Variants in GRAMD2B observed in about 807,000 individuals in gnomAD.
GRAMD2B encodes GRAM domain containing 2B, also known as GRAM domain-containing protein 2B.
Under a neutral mutation model 59.2 loss-of-function variants are expected in GRAMD2B, and 41 were observed. That is an observed-to-expected ratio of 0.69 (90% CI 0.54 to 0.90). GRAMD2B has a LOEUF of 0.90. Ranked by LOEUF, GRAMD2B falls within the 40% of genes least tolerant of loss-of-function variation. GRAMD2B has a pLI of 0.00. For synonymous variants in GRAMD2B, 161 were observed against 182.7 expected (o/e 0.88, Z 0.96); for missense variants, 424 against 500.5 (o/e 0.85, Z 1.46).
At chr5:126,460,835 C>A (rs1767216781) in intron 1 of GRAMD2B, among the ~76,000 whole-genome samples, 1 of 152,190 alleles carries the variant, frequency 6.6e-6, no homozygotes, top group African/African-American at 2.4e-5. Context: ...AATCCCATTG[C>A]CAGGCATTTA....
At chr5:126,484,607 A>T in intron 10 of GRAMD2B, 83 bp downstream of exon 10, 3 of 1,342,394 alleles carry the variant, frequency 2.2e-6, no homozygotes, top group Non-Finnish European at 3.0e-6. Flanking sequence ...TTTAGACAGC[A>T]TCTTGCTCTA....
At chr5:126,417,833 AC>A (rs1759389996) in intron 1 of GRAMD2B, among the ~76,000 whole-genome samples, 1 of 151,860 alleles carries the variant, frequency 6.6e-6, no homozygotes, top group Non-Finnish European at 1.5e-5. Context: ...TGGCACATTC[AC>A]TCTCCTACAA....
chr5:126,426,332 A>C (rs73334407), intron 1 of GRAMD2B, among the ~76,000 whole-genome samples: 9 of 151,772 alleles, frequency 5.9e-5, no homozygotes, highest in Non-Finnish European at 1.2e-4. Context: ...CTAGAAATCA[A>C]CTCAAGTTTT....
intron 9 of GRAMD2B, among the ~76,000 whole-genome samples, chr5:126,483,919 C>A (rs547718168): frequency 5.9e-5 from 9 of 152,346 alleles, no homozygotes; most frequent in South Asian, 2.1e-4. Context: ...ACCTCCACCC[C>A]CCGGGTTCAA....
intron 1 of GRAMD2B, among the ~76,000 whole-genome samples, chr5:126,396,147 GATGT>G (rs1256240707): frequency 6.6e-6 from 1 of 152,092 alleles, no homozygotes; most frequent in Non-Finnish European, 1.5e-5. Context: ...GATGATTAGT[GATGT>G]TGAGCAAATT....
chr5:126,397,122 G>A (rs961602985), intron 1 of GRAMD2B, among the ~76,000 whole-genome samples: 4 of 152,258 alleles, frequency 2.6e-5, no homozygotes, highest in Admixed American at 2.6e-4. Context: ...CTCCCATTCT[G>A]TAGGTTGTCT....
At position 126,455,782 on chromosome 5, in the gene GRAMD2B, G is replaced by A. The variant is rs73334498; in HGVS notation, c.84-9644G>A. Reference sequence around the variant, plus strand: ...GCTATAATATTTTTCTACTTAACTAGAAAAGACATAGTGCCCTCCCCATAC... The same window carrying A: ...GCTATAATATTTTTCTACTTAACTAAAAAAGACATAGTGCCCTCCCCATAC... On this transcript the variant is annotated intron_variant, in intron 1 of 13. Coordinates refer to ENST00000285689, the MANE Select transcript of GRAMD2B (RefSeq NM_023927.4). Among the ~76,000 whole-genome samples, 308 of 152,224 alleles carry A rather than the reference G, an allele frequency of 2.0e-3. 1 individual carries two copies. The highest frequency in any genetic ancestry group is 7.1e-3 in the African/African-American group (295 of 41,560).
intron 1 of GRAMD2B, among the ~76,000 whole-genome samples, chr5:126,396,704 T>C (rs970264131): frequency 6.6e-6 from 1 of 152,182 alleles, no homozygotes; most frequent in African/African-American, 2.4e-5. Context: ...AGTAATGGAT[T>C]GGTAGGTCGA....
chr5:126,369,465 A>G (rs913782574), upstream of GRAMD2B, among the ~76,000 whole-genome samples: 4 of 152,302 alleles, frequency 2.6e-5, no homozygotes, highest in African/African-American at 7.2e-5. Flanking sequence ...GACTCAAAAG[A>G]TATTAGCTAG....
intron 1 of GRAMD2B, among the ~76,000 whole-genome samples, chr5:126,434,817 G>A (rs767704060): frequency 2.1e-4 from 32 of 152,180 alleles, no homozygotes; most frequent in Admixed American, 1.2e-3. Context: ...GTGCCCAGCC[G>A]ATAATTATCA....
intron 1 of GRAMD2B, among the ~76,000 whole-genome samples, chr5:126,382,231 T>G (rs1409920683): frequency 2.0e-5 from 3 of 152,226 alleles, no homozygotes; most frequent in African/African-American, 7.2e-5. Flanking sequence ...TTTGGGTGTC[T>G]AGGCCTCTAG....
chr5:126,375,659 C>T (rs1014449787), intron 1 of GRAMD2B, among the ~76,000 whole-genome samples: 3 of 152,124 alleles, frequency 2.0e-5, no homozygotes, highest in African/African-American at 4.8e-5. Flanking sequence ...CATGAGCCAC[C>T]GCGCCCGGCC....
At chr5:126,465,396 T>C (rs1456084381) in intron 1 of GRAMD2B, 30 bp from the exon 2 acceptor site, 3 of 1,613,728 alleles carry the variant, frequency 1.9e-6, no homozygotes, top group African/African-American at 2.7e-5. Flanking sequence ...TCTGAATGTC[T>C]AAAGTGAAGC....
At chr5:126,411,756 GTTTGTGTCATTTA>G (rs1758810193) in intron 1 of GRAMD2B, among the ~76,000 whole-genome samples, 1 of 151,508 alleles carries the variant, frequency 6.6e-6, no homozygotes, top group East Asian at 1.9e-4. Context: ...TTTTCCATTT[GTTTGTGTCATTTA>G]TGATTTCTTG....
chr5:126,408,930 A>C (rs969968762), intron 1 of GRAMD2B, among the ~76,000 whole-genome samples: 2 of 146,740 alleles, frequency 1.4e-5, no homozygotes, highest in African/African-American at 2.5e-5. Flanking sequence ...ATGAGTGAGA[A>C]TATGCGGTGT....
intron 1 of GRAMD2B, among the ~76,000 whole-genome samples, chr5:126,457,813 G>A (rs1263680911): frequency 6.6e-5 from 10 of 151,956 alleles, no homozygotes; most frequent in African/African-American, 7.3e-5. Context: ...AGAGAGGATC[G>A]GGGAGGTGTG....
In GRAMD2B at chr5:126,375,959, A is replaced by T. The variant is rs533509350; in HGVS notation, c.125+4392A>T. The stretch of plus-strand genomic sequence containing the variant: ...CAGTACCTCAAAATTCAAAATTTGC[A>T]GAAATCATCGTTTCTCAAAATATAC... On this transcript the variant is annotated intron_variant, in intron 1 of 8. Transcript: ENST00000506445. Among the ~76,000 whole-genome samples the T allele has an allele frequency of 2.0e-5, 3 of 152,358 alleles. No homozygotes were observed. The South Asian group carries it at 6.2e-4, about 32-fold the overall frequency.
intron 1 of GRAMD2B, among the ~76,000 whole-genome samples, chr5:126,380,496 G>C (rs1018219417): frequency 6.6e-6 from 1 of 152,002 alleles, no homozygotes; most frequent in Non-Finnish European, 1.5e-5. Context: ...TTGGCATTAT[G>C]GTCATTTTCA....
intron 1 of GRAMD2B, among the ~76,000 whole-genome samples, chr5:126,445,136 T>G (rs1387392269): frequency 6.6e-6 from 1 of 152,222 alleles, no homozygotes; most frequent in Non-Finnish European, 1.5e-5. Context: ...TTTGCTATTG[T>G]GAATAATGCT....
Sources: allele counts gnomAD v4.1 joint callset (sites outside exome capture counted in the v4.1 genomes callset), GRCh38; gene constraint gnomAD v4.1.1; transcripts MANE v1.5; gene names NCBI Gene and HGNC (gene_info 2026-07-23, HGNC 2026-07-21).